Variants in TENM3 observed in about 807,000 individuals in gnomAD.
TENM3 encodes the protein teneurin transmembrane protein 3, also known as teneurin-3.
Under a neutral mutation model 255.1 loss-of-function variants are expected in TENM3, and 63 were observed. That is an observed-to-expected ratio of 0.25 (90% CI 0.20 to 0.30). TENM3 has a LOEUF of 0.30. Among genes scored for constraint, TENM3 ranks in the 10% least tolerant of loss-of-function variants. TENM3 has a pLI of 1.00. For missense variants in TENM3, 2,929 were observed against 3,461.1 expected, an observed-to-expected ratio of 0.85 and a Z score of 3.86; for synonymous variants, 1,306 against 1,322.3, an observed-to-expected ratio of 0.99 and a Z score of 0.27.
chr4:181,541,484 T>C, the TENM3 span, among the ~76,000 whole-genome samples: 1 of 152,232 alleles, frequency 6.6e-6, no homozygotes, highest in Non-Finnish European at 1.5e-5. Flanking sequence ...TGTTTCCTAC[T>C]GACTGATTTA....
the TENM3 span, among the ~76,000 whole-genome samples, chr4:181,860,141 A>G: frequency 2.4e-4 from 37 of 152,332 alleles, no homozygotes; most frequent in African/African-American, 8.4e-4. Flanking sequence ...CAAGAATGGC[A>G]TGGTACACAC....
the TENM3 span, among the ~76,000 whole-genome samples, chr4:181,475,498 GAC>G: frequency 2.0e-5 from 3 of 152,188 alleles, no homozygotes; most frequent in East Asian, 5.8e-4. Flanking sequence ...TGAGATGTGA[GAC>G]ACATTAACGA....
the TENM3 span, among the ~76,000 whole-genome samples, chr4:181,819,118 G>A: frequency 2.0e-5 from 3 of 152,078 alleles, no homozygotes; most frequent in Admixed American, 1.3e-4. Flanking sequence ...CTCCCTTCCT[G>A]GCTATGCCTC....
At chr4:181,640,238 G>A in the TENM3 span, among the ~76,000 whole-genome samples, 11 of 152,314 alleles carry the variant, frequency 7.2e-5, no homozygotes, top group East Asian at 1.5e-3. Context: ...TCTGGGGATA[G>A]AATGCAGTAA....
At chr4:181,776,579 C>T in the TENM3 span, among the ~76,000 whole-genome samples, 2 of 152,040 alleles carry the variant, frequency 1.3e-5, no homozygotes, top group African/African-American at 4.8e-5. Flanking sequence ...TCCTTGCCAG[C>T]ATCTGTTATT....
the TENM3 span, among the ~76,000 whole-genome samples, chr4:181,599,596 CTAAG>C: frequency 6.6e-6 from 1 of 152,146 alleles, no homozygotes; most frequent in Non-Finnish European, 1.5e-5. Context: ...TTTTGATGCA[CTAAG>C]TAATTAATAT....
chr4:181,905,089 A>C, the TENM3 span, among the ~76,000 whole-genome samples: 1 of 152,196 alleles, frequency 6.6e-6, no homozygotes, highest in African/African-American at 2.4e-5. Flanking sequence ...TTCTTTTGTA[A>C]ATTGCCCGGT....
intron 3 of TENM3, among the ~76,000 whole-genome samples, chr4:182,468,812 A>T (rs1172849389): frequency 7.3e-6 from 1 of 137,566 alleles, no homozygotes; most frequent in Non-Finnish European, 1.6e-5. Context: ...AAATAAAAAA[A>T]ATCCTGTGTG....
At chr4:181,688,665 T>C in the TENM3 span, among the ~76,000 whole-genome samples, 1 of 152,120 alleles carries the variant, frequency 6.6e-6, no homozygotes, top group Non-Finnish European at 1.5e-5. Context: ...TGTGGTAAAA[T>C]GGACAATGGG....
chr4:182,724,530 T>G (rs1760012514), intron 13 of TENM3, among the ~76,000 whole-genome samples: 1 of 152,382 alleles, frequency 6.6e-6, no homozygotes, highest in Non-Finnish European at 1.5e-5. Flanking sequence ...TGATTGATGT[T>G]AGCAGAGAGG....
chr4:181,917,834 G>C, the TENM3 span, among the ~76,000 whole-genome samples: 7 of 151,704 alleles, frequency 4.6e-5, no homozygotes, highest in East Asian at 1.4e-3. Context: ...GCTAATTTTT[G>C]TGTTTTTAGT....
At chr4:182,149,268 CTAGAGTA>C (rs1012553064) in intron 1 of TENM3, among the ~76,000 whole-genome samples, 14 of 151,868 alleles carry the variant, frequency 9.2e-5, no homozygotes, top group Non-Finnish European at 1.8e-4. Flanking sequence ...TACACAAGTG[CTAGAGTA>C]TAAACTATCA....
intron 3 of TENM3, among the ~76,000 whole-genome samples, chr4:182,448,003 T>C (rs957896074): frequency 5.3e-5 from 8 of 152,240 alleles, no homozygotes; most frequent in African/African-American, 9.6e-5. Context: ...AAGTATGTTT[T>C]ATTTAAAAGT....
At chr4:182,387,445 A>G (rs537597217) in intron 3 of TENM3, among the ~76,000 whole-genome samples, 2 of 152,150 alleles carry the variant, frequency 1.3e-5, no homozygotes, top group African/African-American at 2.4e-5. Context: ...AAAATAGGCC[A>G]CTCGGCTCTA....
intron 1 of TENM3, among the ~76,000 whole-genome samples, chr4:182,174,893 CT>C (rs983615560): frequency 2.6e-5 from 4 of 151,688 alleles, no homozygotes; most frequent in African/African-American, 9.7e-5. Context: ...TTTTTAATTC[CT>C]TTTTTAAAGA....
intron 3 of TENM3, among the ~76,000 whole-genome samples, chr4:182,582,881 G>A (rs775561771): frequency 7.2e-5 from 11 of 152,146 alleles, no homozygotes; most frequent in Non-Finnish European, 1.3e-4. Context: ...AATGAGAATC[G>A]CAGCGATTTG....
At chr4:181,491,511 T>C in the TENM3 span, among the ~76,000 whole-genome samples, 1 of 152,068 alleles carries the variant, frequency 6.6e-6, no homozygotes, top group Non-Finnish European at 1.5e-5. Flanking sequence ...TTATTCCTCA[T>C]ATTTCTCAAC....
chr4:182,227,924 AGTCAC>A (rs1017657377), intron 1 of TENM3, among the ~76,000 whole-genome samples: 3 of 152,176 alleles, frequency 2.0e-5, no homozygotes, highest in Non-Finnish European at 4.4e-5. Context: ...ACTTGGAGCA[AGTCAC>A]TTTACGTTTC....
At chr4:181,869,670 T>C in the TENM3 span, among the ~76,000 whole-genome samples, 10 of 152,200 alleles carry the variant, frequency 6.6e-5, no homozygotes, top group East Asian at 1.5e-3. Flanking sequence ...ACCAAGACTT[T>C]GAGATTTAGA....
Sources: allele counts gnomAD v4.1 joint callset (sites outside exome capture counted in the v4.1 genomes callset), GRCh38; gene constraint gnomAD v4.1.1; transcripts MANE v1.5; gene names NCBI Gene and HGNC (gene_info 2026-07-23, HGNC 2026-07-21).